The following PTPN4 variants were observed in gnomAD, a reference collection of about 807,000 sequenced individuals.
PTPN4 encodes the protein protein tyrosine phosphatase non-receptor type 4.
PTPN4 carries 49 observed loss-of-function variants against 135.5 expected under a neutral mutation model. The ratio of observed to expected loss-of-function variants is 0.36; its 90% CI spans 0.29 to 0.46. The LOEUF is 0.46. Among genes scored for constraint, PTPN4 ranks in the 20% least tolerant of loss-of-function variants. The pLI is 1.00. For synonymous variants in PTPN4, 333 were observed against 369.9 expected (o/e 0.90, Z 1.14); for missense variants, 860 against 1,101.0 (o/e 0.78, Z 3.10).
At chr2:119,876,423 G>T (rs985571569) in intron 3 of PTPN4, among the ~76,000 whole-genome samples, 1 of 152,136 alleles carries the variant, frequency 6.6e-6, no homozygotes, top group South Asian at 2.1e-4. Flanking sequence ...TGTGTTGGAT[G>T]TTATGGACAG....
intron 1 of PTPN4, among the ~76,000 whole-genome samples, chr2:119,795,327 C>T (rs1007451545): frequency 1.2e-4 from 19 of 152,230 alleles, no homozygotes; most frequent in Non-Finnish European, 2.6e-4. Context: ...CCTGGCTGGC[C>T]TCTTCCACCC....
intron 12 of PTPN4, among the ~76,000 whole-genome samples, chr2:119,925,732 T>C (rs978215545): frequency 6.6e-6 from 1 of 152,204 alleles, no homozygotes; most frequent in Non-Finnish European, 1.5e-5. Flanking sequence ...GTTGAAATAC[T>C]CTTTTGACTG....
rs570935347 is a variant in PTPN4 at position 119,851,382 on chromosome 2, G to A, written c.139-11154G>A. Among the ~76,000 whole-genome samples the A allele has an allele frequency of 6.6e-5, 10 of 152,298 alleles. No individual in the cohort carries two copies. The East Asian group carries it at 1.7e-3, about 26-fold the overall frequency. ...TATTAAAAAGCTTTAGAACAGGAAA[G>A]AAAGGAAAGTGCACTTGGAAGAGAC... On this transcript the variant is annotated intron_variant, in intron 2 of 26. Transcript: ENST00000263708.
intron 20 of PTPN4, among the ~76,000 whole-genome samples, chr2:119,955,944 TAATAAATAAATAAATA>T (rs200278968): frequency 0.59 from 87,884 of 148,730 alleles, 27,912 homozygotes; most frequent in East Asian, 0.8. Context: ...CTCAAAAAAA[TAATAAATAAATAAATA>T]AATAAATAAA....
chr2:119,859,504 C>T (rs1677728919), intron 2 of PTPN4, among the ~76,000 whole-genome samples: 1 of 152,174 alleles, frequency 6.6e-6, no homozygotes, highest in Admixed American at 6.5e-5. Flanking sequence ...ATTTAACTAT[C>T]CCTTTTTCCA....
At chr2:119,926,962 C>A (rs1678833677) in intron 13 of PTPN4, among the ~76,000 whole-genome samples, 1 of 151,918 alleles carries the variant, frequency 6.6e-6, no homozygotes, top group Non-Finnish European at 1.5e-5. Context: ...CTTTTTTAAA[C>A]ATTTTTGAGA....
At chr2:119,810,293 T>C (rs1278160456) in intron 2 of PTPN4, among the ~76,000 whole-genome samples, 1 of 152,208 alleles carries the variant, frequency 6.6e-6, no homozygotes, top group African/African-American at 2.4e-5. Context: ...GAATTTGTTC[T>C]TCTAAATAAT....
chr2:119,927,542 A>G (rs962745980), intron 13 of PTPN4, among the ~76,000 whole-genome samples: 1 of 152,238 alleles, frequency 6.6e-6, no homozygotes, highest in African/African-American at 2.4e-5. Context: ...AGGTAATTGC[A>G]GTAATCCAAG....
intron 2 of PTPN4, among the ~76,000 whole-genome samples, chr2:119,849,256 G>A (rs1574368742): frequency 6.6e-6 from 1 of 151,956 alleles, no homozygotes; most frequent in African/African-American, 2.4e-5. Flanking sequence ...ATATGTTTCT[G>A]TTTCTTCTCC....
chr2:119,835,033 T>C (rs1348240820), intron 2 of PTPN4, among the ~76,000 whole-genome samples: 4 of 152,220 alleles, frequency 2.6e-5, no homozygotes. Context: ...ATACTTTGTA[T>C]TTGGAGTACT....
intron 9 of PTPN4, among the ~76,000 whole-genome samples, chr2:119,888,406 G>T (rs576985966): frequency 8.2e-4 from 125 of 152,152 alleles, no homozygotes; most frequent in Middle Eastern, 3.4e-3. Context: ...GTGAAAGTGG[G>T]CATCCTTGTC....
At chr2:119,841,255 A>T (rs1394340673) in intron 2 of PTPN4, among the ~76,000 whole-genome samples, 1 of 152,326 alleles carries the variant, frequency 6.6e-6, no homozygotes, top group East Asian at 1.9e-4. Context: ...ACAAAGTTAA[A>T]AACCCTTGTG....
chr2:119,970,821 A>C (rs1679522612), intron 26 of PTPN4, among the ~76,000 whole-genome samples: 3 of 152,186 alleles, frequency 2.0e-5, no homozygotes, highest in Non-Finnish European at 4.4e-5. Flanking sequence ...CCAGGAGTGG[A>C]ATTGCCAGGT....
At chr2:119,938,232 A>G (rs2105042311) in intron 15 of PTPN4, among the ~76,000 whole-genome samples, 1 of 145,638 alleles carries the variant, frequency 6.9e-6, no homozygotes, top group East Asian at 2.1e-4. Flanking sequence ...GGTTCACGCC[A>G]TTCTCCTGCC....
intron 2 of PTPN4, among the ~76,000 whole-genome samples, chr2:119,832,096 T>C (rs150128517): frequency 4.6e-5 from 7 of 152,338 alleles, no homozygotes; most frequent in African/African-American, 1.4e-4. Context: ...ATATCCATCC[T>C]GAATAGACCT....
chr2:119,975,985 T>TA (rs1182805790), intron 26 of PTPN4, among the ~76,000 whole-genome samples: 2 of 119,816 alleles, frequency 1.7e-5, no homozygotes, highest in African/African-American at 3.1e-5. Context: ...TATTTTATTT[T>TA]TATTTATTTA....
intron 15 of PTPN4, 69 bp downstream of exon 15, chr2:119,935,027 T>G: frequency 6.8e-7 from 1 of 1,464,666 alleles, no homozygotes; most frequent in Non-Finnish European, 9.3e-7. Flanking sequence ...TAAAATAATC[T>G]GGGAAATTAG....
chr2:119,823,883 A>G (rs1005741441), intron 2 of PTPN4, among the ~76,000 whole-genome samples: 1 of 152,046 alleles, frequency 6.6e-6, no homozygotes, highest in Non-Finnish European at 1.5e-5. Context: ...TGGTAAACTC[A>G]CTCTCGAAGA....
At chr2:119,782,005 A>T (rs1243450837) in intron 1 of PTPN4, among the ~76,000 whole-genome samples, 1 of 152,142 alleles carries the variant, frequency 6.6e-6, no homozygotes, top group Admixed American at 6.5e-5. Flanking sequence ...AATTTTTTTT[A>T]AATGTTGGAA....
Sources: gnomAD v4.1 joint callset for allele counts (sites outside exome capture counted in the v4.1 genomes callset) on GRCh38, gnomAD v4.1.1 for gene constraint, MANE v1.5 for transcripts, NCBI Gene and HGNC (gene_info 2026-07-23, HGNC 2026-07-21) for gene names.